TMEM232: variants seen among roughly 807,000 people sequenced by gnomAD.
The protein encoded by TMEM232 is transmembrane protein 232.
TMEM232 carries 80 observed loss-of-function variants against 78.8 expected under a neutral mutation model. The observed-to-expected ratio is 1.01, with a 90% CI of 0.85 to 1.22. The LOEUF (loss-of-function observed/expected upper bound fraction) is 1.22. TMEM232 is among the 50% of genes most tolerant of loss of function. TMEM232 has a pLI of 0.00. For missense variants in TMEM232, 881 were observed against 742.2 expected, an observed-to-expected ratio of 1.19 and a Z score of -2.17; for synonymous variants, 297 against 254.3, an observed-to-expected ratio of 1.17 and a Z score of -1.60.
chr5:110,518,759 C>G (rs541158584), intron 12 of TMEM232, among the ~76,000 whole-genome samples: 1 of 152,272 alleles, frequency 6.6e-6, no homozygotes, highest in East Asian at 1.9e-4. Context: ...CAGCAACACT[C>G]ATATGATTTT....
intron 12 of TMEM232, among the ~76,000 whole-genome samples, chr5:110,493,349 C>T (rs1029136906): frequency 7.3e-6 from 1 of 136,408 alleles, no homozygotes; most frequent in Non-Finnish European, 1.6e-5. Context: ...AAAATGTGTA[C>T]AGAAGATTAC....
intron 13 of TMEM232, among the ~76,000 whole-genome samples, chr5:110,423,610 C>G (rs1340815202): frequency 6.6e-6 from 1 of 152,068 alleles, no homozygotes; most frequent in African/African-American, 2.4e-5. Flanking sequence ...CCTTCTTTAG[C>G]TACAATATAA....
At chr5:110,735,098 A>T (rs1451560370) in intron 1 of TMEM232, 1 of 152,194 alleles carries the variant, frequency 6.6e-6, no homozygotes, top group African/African-American at 2.4e-5. Flanking sequence ...TGCTTAATAT[A>T]TGTTGCTGAG....
chr5:110,539,405 AAT>A (rs1772814476), intron 11 of TMEM232, among the ~76,000 whole-genome samples: 1 of 152,200 alleles, frequency 6.6e-6, no homozygotes, highest in Admixed American at 6.5e-5. Context: ...CAGAATAATT[AAT>A]GAGGCTATTA....
intron 1 of TMEM232, among the ~76,000 whole-genome samples, chr5:110,722,024 A>G (rs893565984): frequency 1.1e-4 from 16 of 151,986 alleles, no homozygotes; most frequent in Non-Finnish European, 4.4e-5. Context: ...ATTCCAGGGC[A>G]GTATTTTATT....
intron 12 of TMEM232, among the ~76,000 whole-genome samples, chr5:110,428,056 C>A (rs1561482296): frequency 6.6e-6 from 1 of 151,724 alleles, no homozygotes; most frequent in African/African-American, 2.4e-5. Context: ...TATAGTCACT[C>A]CATTGTGCTG....
At chr5:110,729,668 A>G (rs72773189), upstream of TMEM232, among the ~76,000 whole-genome samples, 11,120 of 152,290 alleles carry the variant, frequency 0.073, 480 homozygotes, top group South Asian at 0.2. Context: ...GAAAGTAGCA[A>G]TAACTGTGCC....
At chr5:110,475,568 C>A (rs993550630) in intron 12 of TMEM232, among the ~76,000 whole-genome samples, 4 of 146,754 alleles carry the variant, frequency 2.7e-5, no homozygotes, top group Non-Finnish European at 4.4e-5. Context: ...AGCTTACTAA[C>A]CAGGGAAAAC....
intron 8 of TMEM232, among the ~76,000 whole-genome samples, chr5:110,616,867 T>A (rs956091530): frequency 1.1e-4 from 17 of 152,154 alleles, no homozygotes; most frequent in African/African-American, 3.9e-4. Context: ...AATAACAGTA[T>A]GGAGATTCCT....
At chr5:110,570,112 T>C (rs534366319) in intron 10 of TMEM232, among the ~76,000 whole-genome samples, 3 of 152,100 alleles carry the variant, frequency 2.0e-5, no homozygotes, top group Non-Finnish European at 2.9e-5. Context: ...CTACCTTTTC[T>C]ATTATTGGAA....
At chr5:110,421,590 G>T (rs948841398) in intron 13 of TMEM232, among the ~76,000 whole-genome samples, 2 of 152,040 alleles carry the variant, frequency 1.3e-5, no homozygotes, top group African/African-American at 4.8e-5. Flanking sequence ...CTGTCTTTTT[G>T]TCAGCCTCAG....
At chr5:110,592,024 T>C (rs1779604777) in intron 10 of TMEM232, among the ~76,000 whole-genome samples, 1 of 152,098 alleles carries the variant, frequency 6.6e-6, no homozygotes, top group African/African-American at 2.4e-5. Context: ...CCAGAAAAAA[T>C]CATTTTCTCT....
chr5:110,413,642 T>G (rs1756079624), intron 2 of TMEM232, among the ~76,000 whole-genome samples: 1 of 152,196 alleles, frequency 6.6e-6, no homozygotes, highest in Admixed American at 6.5e-5. Context: ...TGCAGGATTC[T>G]TTGCCTTTCT....
intron 1 of TMEM232, among the ~76,000 whole-genome samples, chr5:110,703,523 C>T (rs1795637513): frequency 1.3e-5 from 2 of 152,050 alleles, no homozygotes; most frequent in Admixed American, 6.6e-5. Context: ...CTTTGCCCAT[C>T]AGAGCTTTTG....
At chr5:110,423,699 C>T (rs1368407018) in intron 13 of TMEM232, among the ~76,000 whole-genome samples, 1 of 151,888 alleles carries the variant, frequency 6.6e-6, no homozygotes, top group Non-Finnish European at 1.5e-5. Flanking sequence ...TTGTTAGGAG[C>T]TATCTCTGTA....
At chr5:110,429,143 C>T (rs969092647) in intron 12 of TMEM232, among the ~76,000 whole-genome samples, 1 of 151,718 alleles carries the variant, frequency 6.6e-6, no homozygotes, top group Non-Finnish European at 1.5e-5. Context: ...TGGGGGAAGA[C>T]ATATAAACAG....
At chr5:110,411,050 C>T (rs1232841412) in intron 2 of TMEM232, among the ~76,000 whole-genome samples, 1 of 152,142 alleles carries the variant, frequency 6.6e-6, no homozygotes, top group Non-Finnish European at 1.5e-5. Context: ...ATCCTGGACT[C>T]ATGCAATCAG....
chr5:110,514,658 A>T (rs1286886256), intron 12 of TMEM232, among the ~76,000 whole-genome samples: 1 of 152,190 alleles, frequency 6.6e-6, no homozygotes, highest in Non-Finnish European at 1.5e-5. Flanking sequence ...AAGGAGGCAC[A>T]GACTTTTTAC....
intron 7 of TMEM232, among the ~76,000 whole-genome samples, chr5:110,620,188 GAAAT>G (rs1249235383): frequency 6.6e-6 from 1 of 152,068 alleles, no homozygotes; most frequent in Non-Finnish European, 1.5e-5. Context: ...ACATCGTGGA[GAAAT>G]AAAAAGCATC....
Sources: allele counts gnomAD v4.1 joint callset (sites outside exome capture counted in the v4.1 genomes callset), GRCh38; gene constraint gnomAD v4.1.1; transcripts MANE v1.5; gene names NCBI Gene and HGNC (gene_info 2026-07-23, HGNC 2026-07-21).